CALN1: variants seen among roughly 807,000 people sequenced by gnomAD.
The protein encoded by CALN1 is calcium-binding protein 8.
In CALN1, 17 loss-of-function variants were observed where a neutral mutation model predicts 30.6. The observed-to-expected ratio is 0.56, with a 90% CI of 0.38 to 0.83. CALN1 has a LOEUF of 0.83. CALN1 is among the 40% of genes least tolerant of loss of function. CALN1 has a pLI of 0.00. For missense variants in CALN1, 291 were observed against 354.9 expected (o/e 0.82, Z 1.45); for synonymous variants, 156 against 131.4 (o/e 1.19, Z -1.28).
chr7:72,414,969 C>T (rs1807375135), upstream of CALN1, among the ~76,000 whole-genome samples: 1 of 152,130 alleles, frequency 6.6e-6, no homozygotes, highest in Non-Finnish European at 1.5e-5. Context: ...AGGGTGAAAC[C>T]CTAATCCAAT....
chr7:72,264,220 G>A (rs569355083), intron 3 of CALN1, among the ~76,000 whole-genome samples: 11 of 152,152 alleles, frequency 7.2e-5, no homozygotes, highest in South Asian at 6.2e-4. Context: ...AGGAAAAGTC[G>A]CTCTGAAACA....
chr7:72,152,658 C>T (rs1248036008), intron 3 of CALN1, among the ~76,000 whole-genome samples: 1 of 152,120 alleles, frequency 6.6e-6, no homozygotes, highest in Non-Finnish European at 1.5e-5. Context: ...GTGCACATTG[C>T]CCTCCAGGAA....
chr7:71,997,241 A>AAAAG (rs533030998), intron 5 of CALN1, among the ~76,000 whole-genome samples: 1 of 146,924 alleles, frequency 6.8e-6, no homozygotes, highest in Non-Finnish European at 1.5e-5. Flanking sequence ...TCTAAAAAAA[A>AAAAG]AAAGAAAGAA....
intron 3 of CALN1, among the ~76,000 whole-genome samples, chr7:72,207,772 G>C (rs938659774): frequency 4.6e-5 from 7 of 152,132 alleles, no homozygotes; most frequent in Non-Finnish European, 7.3e-5. Context: ...GGTTATATAT[G>C]ACAGGTGGAA....
chr7:72,359,986 A>AAAAAAAAAAAAAAAAC (rs1228527486), intron 2 of CALN1, among the ~76,000 whole-genome samples: 1 of 150,612 alleles, frequency 6.6e-6, no homozygotes, highest in Admixed American at 6.6e-5. Context: ...CAAAAAAAAA[A>AAAAAAAAAAAAAAAAC]AAAAACCAAA....
intron 6 of CALN1, among the ~76,000 whole-genome samples, chr7:71,790,801 A>G (rs1793336650): frequency 6.6e-6 from 1 of 152,156 alleles, no homozygotes; most frequent in Admixed American, 6.6e-5. Flanking sequence ...CAATTGCTAG[A>G]CATCCACTCG....
chr7:72,267,147 A>G (rs948601907), intron 3 of CALN1, among the ~76,000 whole-genome samples: 4 of 152,212 alleles, frequency 2.6e-5, no homozygotes, highest in Admixed American at 6.5e-5. Context: ...CTCCTCTTAG[A>G]AAGCCTGTAG....
chr7:71,952,030 C>G (rs1796718874), intron 5 of CALN1, among the ~76,000 whole-genome samples: 1 of 152,120 alleles, frequency 6.6e-6, no homozygotes, highest in South Asian at 2.1e-4. Context: ...GAGGGAGAAC[C>G]AGGCAGGACC....
chr7:72,146,790 AAC>A (rs1786779855), intron 3 of CALN1, among the ~76,000 whole-genome samples: 2 of 152,206 alleles, frequency 1.3e-5, no homozygotes, highest in Admixed American at 1.3e-4. Flanking sequence ...AATGGAACAG[AAC>A]AGAGCCCTCA....
intron 5 of CALN1, among the ~76,000 whole-genome samples, chr7:71,936,479 C>G (rs1242088695): frequency 6.6e-6 from 1 of 151,602 alleles, no homozygotes; most frequent in Non-Finnish European, 1.5e-5. Flanking sequence ...GGAAGGGCCA[C>G]TGATGATACT....
chr7:72,108,476 T>G (rs1807331624), intron 3 of CALN1, among the ~76,000 whole-genome samples: 2 of 152,244 alleles, frequency 1.3e-5, no homozygotes, highest in Non-Finnish European at 2.9e-5. Context: ...ATTATATCCA[T>G]CCTTCAAGGT....
In CALN1 at chr7:72,149,283, C is replaced by G. The variant is rs368484618; in HGVS notation, c.245-42989G>C. Reference sequence around the variant, plus strand: ...AGGAATACCAAACCAGCCTGGCCAACGTGGTAAAACCCCGTCTCTACTAAA... The same window carrying G: ...AGGAATACCAAACCAGCCTGGCCAAGGTGGTAAAACCCCGTCTCTACTAAA... On this transcript the variant is annotated intron_variant, in intron 3 of 6. Transcript: ENST00000395275. Among the ~76,000 whole-genome samples, 8 of 152,118 alleles carry G rather than the reference C, an allele frequency of 5.3e-5. No homozygotes were observed. In the East Asian group the frequency reaches 1.6e-3, roughly 30 times the overall value.
intron 5 of CALN1, among the ~76,000 whole-genome samples, chr7:71,835,689 T>C (rs747718081): frequency 6.6e-5 from 10 of 152,128 alleles, no homozygotes; most frequent in African/African-American, 2.2e-4. Context: ...ACCAGCCCCA[T>C]AGAAGCACTT....
At chr7:71,968,533 C>T (rs1027518123) in intron 5 of CALN1, among the ~76,000 whole-genome samples, 1 of 151,970 alleles carries the variant, frequency 6.6e-6, no homozygotes, top group Admixed American at 6.6e-5. Flanking sequence ...CGGGTTCCAG[C>T]AATTCTCGTG....
At chr7:71,794,684 AG>A (rs1786785504) in intron 6 of CALN1, among the ~76,000 whole-genome samples, 2 of 152,360 alleles carry the variant, frequency 1.3e-5, no homozygotes, top group South Asian at 4.1e-4. Flanking sequence ...GCATCCCCTG[AG>A]GACAGGAGGA....
intron 2 of CALN1, among the ~76,000 whole-genome samples, chr7:72,381,668 G>A (rs1804910309): frequency 6.6e-6 from 1 of 152,164 alleles, no homozygotes; most frequent in Non-Finnish European, 1.5e-5. Context: ...TATGGAAACA[G>A]GGAGAGGAAC....
chr7:71,787,621 G>A lies in CALN1; in HGVS notation c.*154C>T. On this transcript the variant is annotated 3_prime_UTR_variant, in exon 7 of 7. Transcript: ENST00000395275. ...GAGATGAAGCTGAAGTGCAACCCCA[G>A]TTGCACTCAACCTTGGGTTCTTTAC... 3.8e-6 allele frequency: 4 copies of A among 1,052,472 alleles called. No individual in the cohort carries two copies. Among genetic ancestry groups the A allele is most frequent in the Non-Finnish European group, 5.3e-6 (4 of 750,966 alleles). The allele number at this position is 1,052,472 out of a possible 1,614,324, so 65.2% of individuals were successfully genotyped here. A position where few individuals can be genotyped will look rare whatever the true frequency, so the allele number is the denominator to read the frequency against.
intron 3 of CALN1, among the ~76,000 whole-genome samples, chr7:72,240,864 TTCTC>T (rs1171279212): frequency 2.0e-5 from 3 of 152,336 alleles, no homozygotes; most frequent in African/African-American, 4.8e-5. Flanking sequence ...TTTTCTGCTG[TTCTC>T]TCTACCTGGA....
At chr7:72,371,447 A>T (rs1804236691) in intron 2 of CALN1, among the ~76,000 whole-genome samples, 1 of 152,118 alleles carries the variant, frequency 6.6e-6, no homozygotes, top group East Asian at 1.9e-4. Context: ...GTGAGTTCTC[A>T]TGAGATCTGA....
Sources: gnomAD v4.1 joint callset for allele counts (sites outside exome capture counted in the v4.1 genomes callset) on GRCh38, gnomAD v4.1.1 for gene constraint, MANE v1.5 for transcripts, NCBI Gene and HGNC (gene_info 2026-07-23, HGNC 2026-07-21) for gene names.